The following PKIB variants were observed in gnomAD, a reference collection of about 807,000 sequenced individuals.
The protein encoded by PKIB is cAMP-dependent protein kinase inhibitor beta.
In PKIB, 2 loss-of-function variants were observed where a neutral mutation model predicts 4.5. The observed-to-expected ratio is 0.44, with a 90% CI of 0.18 to 1.39. PKIB has a LOEUF of 1.39. Among genes scored for constraint, PKIB ranks in the 40% most tolerant of loss-of-function variants. PKIB has a pLI of 0.27. For synonymous variants in PKIB, 38 were observed against 36.0 expected (o/e 1.06, Z -0.20); for missense variants, 94 against 92.6 (o/e 1.02, Z -0.06).
At chr6:122,700,882 T>G (rs1208436658) in intron 3 of PKIB, among the ~76,000 whole-genome samples, 1 of 152,128 alleles carries the variant, frequency 6.6e-6, no homozygotes, top group East Asian at 1.9e-4. Flanking sequence ...CCATATCCAG[T>G]AAAGTCATTA....
chr6:122,532,963 T>G (rs1777301287), intron 2 of PKIB, among the ~76,000 whole-genome samples: 1 of 152,146 alleles, frequency 6.6e-6, no homozygotes, highest in Non-Finnish European at 1.5e-5. Flanking sequence ...TTCATATGTT[T>G]GTTGGACATT....
intron 2 of PKIB, among the ~76,000 whole-genome samples, chr6:122,512,829 GC>G (rs1170135587): frequency 6.6e-6 from 1 of 152,192 alleles, no homozygotes; most frequent in African/African-American, 2.4e-5. Flanking sequence ...GCCCAAGAGG[GC>G]AAGTCAACCC....
chr6:122,648,453 C>T (rs1229120795), intron 2 of PKIB, among the ~76,000 whole-genome samples: 1 of 152,192 alleles, frequency 6.6e-6, no homozygotes, highest in Non-Finnish European at 1.5e-5. Context: ...ATACTGCCAC[C>T]TACTAGGCAC....
chr6:122,533,905 T>G (rs1338478621), intron 2 of PKIB, among the ~76,000 whole-genome samples: 3 of 151,992 alleles, frequency 2.0e-5, no homozygotes, highest in Non-Finnish European at 4.4e-5. Context: ...TACATCTTAT[T>G]TAGGCTTCCT....
At chr6:122,504,534 T>C (rs1301466725) in intron 2 of PKIB, among the ~76,000 whole-genome samples, 1 of 152,244 alleles carries the variant, frequency 6.6e-6, no homozygotes, top group African/African-American at 2.4e-5. Context: ...TGTCAGTCTC[T>C]CTGAATGCAT....
At chr6:122,638,371 C>A (rs1457326319) in intron 2 of PKIB, among the ~76,000 whole-genome samples, 2 of 152,296 alleles carry the variant, frequency 1.3e-5, no homozygotes, top group East Asian at 3.9e-4. Context: ...ACTCTGAGGA[C>A]CAAATATCTC....
chr6:122,566,064 T>TC (rs1342122614), intron 2 of PKIB, among the ~76,000 whole-genome samples: 1 of 152,152 alleles, frequency 6.6e-6, no homozygotes, highest in African/African-American at 2.4e-5. Flanking sequence ...CTTTTTTTTT[T>TC]CAAGTACTGA....
intron 2 of PKIB, chr6:122,480,388 C>A (rs1378815513): frequency 6.6e-6 from 1 of 152,090 alleles, no homozygotes; most frequent in African/African-American, 2.4e-5. Flanking sequence ...CTTAGTATAT[C>A]CAATAACGAA....
At chr6:122,688,637 A>G (rs998634404) in intron 3 of PKIB, among the ~76,000 whole-genome samples, 4 of 151,860 alleles carry the variant, frequency 2.6e-5, no homozygotes, top group Non-Finnish European at 4.4e-5. Flanking sequence ...GTTACTTGTT[A>G]TTGGTCTGTT....
chr6:122,603,262 A>G (rs1774432720), intron 3 of PKIB, among the ~76,000 whole-genome samples: 1 of 152,176 alleles, frequency 6.6e-6, no homozygotes, highest in South Asian at 2.1e-4. Flanking sequence ...CATAAATGTC[A>G]TAAAGGTGCT....
At chr6:122,654,997 G>C (rs1265464124) in intron 2 of PKIB, among the ~76,000 whole-genome samples, 2 of 152,012 alleles carry the variant, frequency 1.3e-5, no homozygotes, top group Admixed American at 1.3e-4. Context: ...TTGTTTTTGA[G>C]ACAGAATTTA....
intron 2 of PKIB, among the ~76,000 whole-genome samples, chr6:122,659,119 C>T (rs1776888150): frequency 3.9e-5 from 6 of 151,984 alleles, no homozygotes; most frequent in African/African-American, 1.4e-4. Context: ...GAAATGAATG[C>T]TTCTAAACAC....
At chr6:122,577,606 G>T (rs1773582769) in intron 2 of PKIB, among the ~76,000 whole-genome samples, 1 of 152,134 alleles carries the variant, frequency 6.6e-6, no homozygotes, top group African/African-American at 2.4e-5. Context: ...CATTTTATAT[G>T]GGGAAGAAAT....
At chr6:122,535,720 C>T (rs867845296) in intron 2 of PKIB, among the ~76,000 whole-genome samples, 2 of 152,180 alleles carry the variant, frequency 1.3e-5, no homozygotes, top group African/African-American at 4.8e-5. Context: ...AGCCCTAGCT[C>T]TACCCCTTGT....
At position 122,718,089 on chromosome 6, in the gene PKIB, T is replaced by A. The variant is rs1779575347; in HGVS notation, c.169+126T>A. On this transcript the variant is annotated intron_variant, in intron 4 of 4. Transcript: ENST00000368452. ...TTCCTTATTTGTTTACTTAAACCTC[T>A]CAGCTTTTGTTTAAGGCTTAGTAGA... The A allele has an allele frequency of 6.2e-6, 6 of 961,668 alleles. No individual in the cohort carries two copies. In the East Asian group the frequency reaches 1.5e-4, roughly 25 times the overall value. The allele number at this position is 961,668 out of a possible 1,614,324, so 59.6% of individuals were successfully genotyped here. A position where few individuals can be genotyped will look rare whatever the true frequency, so the allele number is the denominator to read the frequency against.
chr6:122,577,460 A>C (rs1257489126), intron 2 of PKIB, among the ~76,000 whole-genome samples: 1 of 152,198 alleles, frequency 6.6e-6, no homozygotes, highest in Non-Finnish European at 1.5e-5. Flanking sequence ...TGATAAAGAC[A>C]CAAAAAGATG....
At chr6:122,540,796 T>C (rs1205340898) in intron 2 of PKIB, among the ~76,000 whole-genome samples, 1 of 151,922 alleles carries the variant, frequency 6.6e-6, no homozygotes, top group African/African-American at 2.4e-5. Context: ...AAGTCTCCCA[T>C]TATTATTGTG....
intron 3 of PKIB, among the ~76,000 whole-genome samples, chr6:122,697,273 G>A (rs1778615144): frequency 6.6e-6 from 1 of 152,080 alleles, no homozygotes; most frequent in South Asian, 2.1e-4. Context: ...TAGGATACCT[G>A]ATCTATGGGA....
At chr6:122,586,568 A>G (rs1166152057) in intron 3 of PKIB, among the ~76,000 whole-genome samples, 2 of 152,166 alleles carry the variant, frequency 1.3e-5, no homozygotes, top group Non-Finnish European at 2.9e-5. Context: ...AATGTGGATT[A>G]AAAAATGGTT....
Sources: allele counts gnomAD v4.1 joint callset (sites outside exome capture counted in the v4.1 genomes callset), GRCh38; gene constraint gnomAD v4.1.1; transcripts MANE v1.5; gene names NCBI Gene and HGNC (gene_info 2026-07-23, HGNC 2026-07-21).